KIF26B: variants seen among roughly 807,000 people sequenced by gnomAD.
KIF26B encodes kinesin-like protein KIF26B.
A neutral mutation model predicts 151.2 loss-of-function variants in KIF26B; 63 were observed. That is an observed-to-expected ratio of 0.42 (90% CI 0.34 to 0.51). The LOEUF (loss-of-function observed/expected upper bound fraction) is 0.51, where lower values mean the gene tolerates loss of function less well. Ranked by LOEUF, KIF26B falls within the 20% of genes least tolerant of loss-of-function variation. KIF26B has a pLI of 0.07. For missense variants in KIF26B, 2,813 were observed against 2,913.6 expected (o/e 0.97, Z 0.79); for synonymous variants, 1,357 against 1,262.1 (o/e 1.08, Z -1.59).
rs1210147249 is a variant in KIF26B, at chr1:245,520,611, C to CCCATCCATCCAT, written c.1167-20115_1167-20104dup. ...ATCCATCCATCCATCCACCCACCCACCCATCCATCCATCCATCCATCCATC... is the reference window on the plus strand; with the variant it reads ...ATCCATCCATCCATCCACCCACCCACCCATCCATCCATCCATCCATCCATCCATCCATCCATC... On this transcript the variant is annotated intron_variant, in intron 4 of 14. Transcript: ENST00000407071. 4.2e-3 allele frequency among the ~76,000 whole-genome samples: 333 copies of CCCATCCATCCAT among 78,766 alleles called. 2 individuals carry two copies. Among genetic ancestry groups the CCCATCCATCCAT allele is most frequent in the African/African-American group, 0.011 (314 of 27,904 alleles). 51.7% of individuals were successfully genotyped at this position (78,766 alleles called of 152,430 possible). A position where few individuals can be genotyped will look rare whatever the true frequency, so the allele number is the denominator to read the frequency against.
chr1:245,360,785 G>A (rs1319144596), intron 2 of KIF26B, among the ~76,000 whole-genome samples: 2 of 152,202 alleles, frequency 1.3e-5, no homozygotes, highest in African/African-American at 4.8e-5. Flanking sequence ...GCTGAGGTGG[G>A]CAGATCACCT....
At chr1:245,427,609 A>AAAAC (rs998130402) in intron 4 of KIF26B, among the ~76,000 whole-genome samples, 4 of 152,330 alleles carry the variant, frequency 2.6e-5, no homozygotes, top group South Asian at 2.1e-4. Context: ...ACTCTGTCTC[A>AAAAC]AAACAAACAA....
In KIF26B at chr1:245,228,120, A is replaced by T. The variant is rs77103544; in HGVS notation, c.465+71437A>T. ...GGGTCCCACGCATGCCACTTATAACATGGATTCTGTAGCACATTGGGACAT... is the reference window on the plus strand; with the variant it reads ...GGGTCCCACGCATGCCACTTATAACTTGGATTCTGTAGCACATTGGGACAT... On this transcript the variant is annotated intron_variant, in intron 2 of 14. Transcript: ENST00000407071. Among the ~76,000 whole-genome samples the T allele has an allele frequency of 2.2e-3, 342 of 152,306 alleles. 1 individual carries two copies. The highest frequency in any genetic ancestry group is 2.5e-3 in the Non-Finnish European group (168 of 68,020).
At chr1:245,685,345 TGGGC>T in intron 11 of KIF26B, 56 bp from the exon 12 acceptor site, 5 of 1,403,598 alleles carry the variant, frequency 3.6e-6, no homozygotes, top group Non-Finnish European at 4.9e-6. Context: ...CGCGCACAGC[TGGGC>T]TCCCGGGGAA....
intron 2 of KIF26B, among the ~76,000 whole-genome samples, chr1:245,313,554 A>C (rs1671704106): frequency 6.6e-6 from 1 of 152,160 alleles, no homozygotes; most frequent in African/African-American, 2.4e-5. Flanking sequence ...AATACTGGTG[A>C]CCACTAGCCA....
At chr1:245,436,755 A>T (rs553704092) in intron 4 of KIF26B, among the ~76,000 whole-genome samples, 1 of 152,344 alleles carries the variant, frequency 6.6e-6, no homozygotes, top group East Asian at 1.9e-4. Context: ...GTTGACACAT[A>T]AAATTCATCA....
At chr1:245,465,026 T>C (rs1181583154) in intron 4 of KIF26B, among the ~76,000 whole-genome samples, 4 of 139,176 alleles carry the variant, frequency 2.9e-5, no homozygotes, top group Admixed American at 7.2e-5. Flanking sequence ...TCGCCCAGGC[T>C]GGAGTGCAGG....
intron 2 of KIF26B, among the ~76,000 whole-genome samples, chr1:245,263,303 T>C (rs1349301337): frequency 6.6e-6 from 1 of 152,224 alleles, no homozygotes; most frequent in South Asian, 2.1e-4. Flanking sequence ...GATTGCTTGT[T>C]CCACTCGGAA....
chr1:245,271,320 T>TCATTAA (rs745418961), intron 2 of KIF26B, among the ~76,000 whole-genome samples: 37 of 152,352 alleles, frequency 2.4e-4, no homozygotes, highest in Non-Finnish European at 4.6e-4. Context: ...GCTAGGAATT[T>TCATTAA]CATTAAATCT....
intron 9 of KIF26B, among the ~76,000 whole-genome samples, chr1:245,614,376 T>C (rs1420026234): frequency 6.6e-6 from 1 of 152,196 alleles, no homozygotes; most frequent in African/African-American, 2.4e-5. Flanking sequence ...AGTTTCACCA[T>C]ATTGGCCAGG....
chr1:245,496,784 T>A (rs1012169482), intron 4 of KIF26B, among the ~76,000 whole-genome samples: 1 of 152,036 alleles, frequency 6.6e-6, no homozygotes, highest in Non-Finnish European at 1.5e-5. Flanking sequence ...CAAAATCTAA[T>A]TAAATACTGC....
chr1:245,480,296 A>G (rs1208372298), intron 4 of KIF26B, among the ~76,000 whole-genome samples: 2 of 151,386 alleles, frequency 1.3e-5, no homozygotes, highest in African/African-American at 2.4e-5. Flanking sequence ...AAGAAAAAAA[A>G]CTGCCGAACT....
intron 9 of KIF26B, among the ~76,000 whole-genome samples, chr1:245,619,377 C>T (rs180760370): frequency 6.6e-6 from 1 of 152,346 alleles, no homozygotes; most frequent in African/African-American, 2.4e-5. Context: ...AACTCCTGAC[C>T]TCAGGTGATC....
intron 2 of KIF26B, among the ~76,000 whole-genome samples, chr1:245,271,477 G>A (rs1213334789): frequency 6.6e-6 from 1 of 151,888 alleles, no homozygotes; most frequent in Non-Finnish European, 1.5e-5. Flanking sequence ...ATGTACATAG[G>A]ATGTTGACTT....
At chr1:245,379,439 C>T in intron 3 of KIF26B, among the ~76,000 whole-genome samples, 1 of 150,266 alleles carries the variant, frequency 6.7e-6, no homozygotes, top group East Asian at 1.9e-4. Context: ...TTTTGGAATT[C>T]ATTTGAAATA....
chr1:245,471,612 T>G (rs1254929496), intron 4 of KIF26B, among the ~76,000 whole-genome samples: 2 of 152,208 alleles, frequency 1.3e-5, no homozygotes, highest in African/African-American at 4.8e-5. Context: ...AAAAACGTAC[T>G]CATGAGTGAC....
At chr1:245,608,839 A>G (rs940507147) in intron 7 of KIF26B, among the ~76,000 whole-genome samples, 5 of 152,076 alleles carry the variant, frequency 3.3e-5, no homozygotes, top group African/African-American at 9.7e-5. Context: ...GTAACCTCCA[A>G]TTCCTGGGCT....
intron 10 of KIF26B, among the ~76,000 whole-genome samples, chr1:245,661,103 C>T (rs1370032598): frequency 2.0e-5 from 3 of 151,738 alleles, no homozygotes; most frequent in Non-Finnish European, 2.9e-5. Flanking sequence ...TCTCCTGCCT[C>T]AGCCCCCCGA....
At chr1:245,283,517 TG>T (rs1007391485) in intron 2 of KIF26B, among the ~76,000 whole-genome samples, 10 of 152,200 alleles carry the variant, frequency 6.6e-5, no homozygotes, top group African/African-American at 2.4e-4. Flanking sequence ...GTTATTGGTC[TG>T]TGACACTGTT....
Sources: gnomAD v4.1 joint callset for allele counts (sites outside exome capture counted in the v4.1 genomes callset) on GRCh38, gnomAD v4.1.1 for gene constraint, MANE v1.5 for transcripts, NCBI Gene and HGNC (gene_info 2026-07-23, HGNC 2026-07-21) for gene names.